The following GALNT13 variants were observed in gnomAD, a reference collection of about 807,000 sequenced individuals.
GALNT13 encodes the protein polypeptide N-acetylgalactosaminyltransferase 13, also known as UDP-GalNAc:polypeptide N-acetylgalactosaminyltransferase 13.
A neutral mutation model predicts 64.2 loss-of-function variants in GALNT13; 28 were observed. That is an observed-to-expected ratio of 0.44 (90% CI 0.32 to 0.60). The LOEUF is 0.60. GALNT13 is among the 20% of genes least tolerant of loss of function. GALNT13 has a pLI of 0.05. For synonymous variants in GALNT13, 214 were observed against 224.6 expected, an observed-to-expected ratio of 0.95 and a Z score of 0.42; for missense variants, 577 against 669.8, an observed-to-expected ratio of 0.86 and a Z score of 1.53.
At chr2:153,392,348 A>C in the GALNT13 span, among the ~76,000 whole-genome samples, 1 of 151,902 alleles carries the variant, frequency 6.6e-6, no homozygotes, top group Non-Finnish European at 1.5e-5. Flanking sequence ...AAAAAACCCC[A>C]CAAAAAAACA....
chr2:153,247,840 A>G, the GALNT13 span, among the ~76,000 whole-genome samples: 1 of 152,194 alleles, frequency 6.6e-6, no homozygotes, highest in East Asian at 1.9e-4. Flanking sequence ...AGAAGAAAAG[A>G]GAAGAATCGA....
At chr2:154,256,847 T>C (rs957664808) in intron 7 of GALNT13, among the ~76,000 whole-genome samples, 3 of 152,296 alleles carry the variant, frequency 2.0e-5, no homozygotes, top group Admixed American at 2.0e-4. Flanking sequence ...AGACACAACC[T>C]TGAAAAGCAA....
the GALNT13 span, among the ~76,000 whole-genome samples, chr2:153,698,843 C>A: frequency 6.6e-6 from 1 of 152,190 alleles, no homozygotes. Flanking sequence ...GGAAGTAAAA[C>A]ATTCCTCAGC....
the GALNT13 span, among the ~76,000 whole-genome samples, chr2:153,679,036 TCCTA>T: frequency 6.6e-6 from 1 of 151,998 alleles, no homozygotes; most frequent in African/African-American, 2.4e-5. Flanking sequence ...TTATTGTGCC[TCCTA>T]CCTATGTTAT....
chr2:153,792,265 A>G, the GALNT13 span, among the ~76,000 whole-genome samples: 1 of 151,678 alleles, frequency 6.6e-6, no homozygotes, highest in South Asian at 2.1e-4. Context: ...AGATAGTTCC[A>G]TGGTTGCATT....
chr2:153,524,497 C>T, the GALNT13 span, among the ~76,000 whole-genome samples: 8 of 152,084 alleles, frequency 5.3e-5, no homozygotes, highest in African/African-American at 1.9e-4. Context: ...CTGAAAGAGA[C>T]ACTGAAGAGG....
chr2:154,373,897 A>G (rs570669618), intron 9 of GALNT13, among the ~76,000 whole-genome samples: 1 of 152,198 alleles, frequency 6.6e-6, no homozygotes, highest in African/African-American at 2.4e-5. Context: ...GTTTTGCTTT[A>G]TTTTATTTAA....
At chr2:153,539,824 T>C in the GALNT13 span, among the ~76,000 whole-genome samples, 10 of 152,174 alleles carry the variant, frequency 6.6e-5, 1 homozygote, top group East Asian at 7.7e-4. Flanking sequence ...AGTCAGGTAG[T>C]GTGATGCCTC....
At chr2:153,654,263 A>G in the GALNT13 span, among the ~76,000 whole-genome samples, 1 of 152,162 alleles carries the variant, frequency 6.6e-6, no homozygotes, top group Non-Finnish European at 1.5e-5. Context: ...TTTTAAATTT[A>G]AATAGTCTTA....
At chr2:153,439,708 G>C in the GALNT13 span, among the ~76,000 whole-genome samples, 1 of 152,158 alleles carries the variant, frequency 6.6e-6, no homozygotes, top group South Asian at 2.1e-4. Flanking sequence ...TTTTCCAGGT[G>C]CCATCAGTCA....
At chr2:153,765,350 G>A in the GALNT13 span, among the ~76,000 whole-genome samples, 2 of 152,196 alleles carry the variant, frequency 1.3e-5, no homozygotes, top group African/African-American at 4.8e-5. Context: ...ACCTGGATGT[G>A]AGACATAGAG....
the GALNT13 span, among the ~76,000 whole-genome samples, chr2:153,360,989 C>T: frequency 1.3e-5 from 2 of 152,218 alleles, no homozygotes; most frequent in South Asian, 2.1e-4. Context: ...GATTGGTGCC[C>T]CTCAAGGTCA....
At chr2:153,361,447 C>A in the GALNT13 span, among the ~76,000 whole-genome samples, 4 of 151,986 alleles carry the variant, frequency 2.6e-5, no homozygotes, top group East Asian at 5.8e-4. Flanking sequence ...CATGGTCTAA[C>A]CCAATGCAAA....
At position 154,276,130 on chromosome 2, in the gene GALNT13, A is replaced by G. The variant is rs116704041; in HGVS notation, c.975+16992A>G. Among the ~76,000 whole-genome samples, 727 of 152,200 alleles carry G rather than the reference A, an allele frequency of 4.8e-3. 6 individuals are homozygous for G. Among genetic ancestry groups the G allele is most frequent in the African/African-American group, 0.017 (693 of 41,560 alleles). Reference sequence around the variant, plus strand: ...TTTTACAGGCTCATAGGCAGAAAGGACTTGCCTTGTCTTAGATGAGACTGT... The same window carrying G: ...TTTTACAGGCTCATAGGCAGAAAGGGCTTGCCTTGTCTTAGATGAGACTGT... On this transcript the variant is annotated intron_variant, in intron 8 of 12. Transcript: ENST00000392825.
the GALNT13 span, among the ~76,000 whole-genome samples, chr2:153,704,219 G>C: frequency 6.6e-6 from 1 of 151,988 alleles, no homozygotes; most frequent in African/African-American, 2.4e-5. Context: ...TCAACATTTT[G>C]ACTCATAGAG....
intron 9 of GALNT13, among the ~76,000 whole-genome samples, chr2:154,352,649 A>T (rs566138377): frequency 6.6e-6 from 1 of 152,360 alleles, no homozygotes; most frequent in East Asian, 1.9e-4. Flanking sequence ...TCCATAGCTC[A>T]TAACTTGCCA....
At chr2:153,451,299 C>T in the GALNT13 span, among the ~76,000 whole-genome samples, 6,605 of 152,218 alleles carry the variant, frequency 0.043, 225 homozygotes, top group East Asian at 0.12. Flanking sequence ...AGCCTGTTTT[C>T]AGTAACCTCT....
At chr2:153,484,187 AT>A in the GALNT13 span, among the ~76,000 whole-genome samples, 1 of 152,010 alleles carries the variant, frequency 6.6e-6, no homozygotes, top group East Asian at 1.9e-4. Context: ...AATGTAGACT[AT>A]TTTTTTCTTT....
At chr2:153,569,102 T>G in the GALNT13 span, among the ~76,000 whole-genome samples, 3 of 152,100 alleles carry the variant, frequency 2.0e-5, no homozygotes, top group African/African-American at 2.4e-5. Context: ...AAACATAGGT[T>G]TTTTTGGGGG....
Sources: gnomAD v4.1 joint callset for allele counts (sites outside exome capture counted in the v4.1 genomes callset) on GRCh38, gnomAD v4.1.1 for gene constraint, MANE v1.5 for transcripts, NCBI Gene and HGNC (gene_info 2026-07-23, HGNC 2026-07-21) for gene names.